AFF1: variants seen among roughly 807,000 people sequenced by gnomAD.
The protein encoded by AFF1 is ALF transcription elongation factor 1.
A neutral mutation model predicts 121.7 loss-of-function variants in AFF1; 48 were observed. The ratio of observed to expected loss-of-function variants is 0.39; its 90% CI spans 0.31 to 0.50. The LOEUF (loss-of-function observed/expected upper bound fraction) is 0.50, where lower values mean the gene tolerates loss of function less well. Ranked by LOEUF, AFF1 falls within the 20% of genes least tolerant of loss-of-function variation. AFF1 has a pLI of 0.76. For missense variants in AFF1, 1,523 were observed against 1,511.7 expected, an observed-to-expected ratio of 1.01 and a Z score of -0.12; for synonymous variants, 613 against 563.0, an observed-to-expected ratio of 1.09 and a Z score of -1.26.
At chr4:87,086,950 T>G (rs1224661404) in intron 5 of AFF1, among the ~76,000 whole-genome samples, 3 of 152,174 alleles carry the variant, frequency 2.0e-5, no homozygotes, top group Non-Finnish European at 4.4e-5. Flanking sequence ...TGGTGGCCCA[T>G]AACTCCAGCA....
intron 2 of AFF1, among the ~76,000 whole-genome samples, chr4:86,993,434 C>G (rs1273299333): frequency 6.6e-6 from 1 of 150,692 alleles, no homozygotes; most frequent in Non-Finnish European, 1.5e-5. Flanking sequence ...TAAATCCTTC[C>G]CCTTTCCTGA....
chr4:87,043,597 A>C (rs564235123), intron 2 of AFF1, among the ~76,000 whole-genome samples: 2 of 152,332 alleles, frequency 1.3e-5, no homozygotes, highest in African/African-American at 4.8e-5. Flanking sequence ...GCTACTGCCA[A>C]CTGGAAGTAA....
chr4:87,066,909 T>G (rs1721414095), intron 4 of AFF1, among the ~76,000 whole-genome samples: 1 of 152,146 alleles, frequency 6.6e-6, no homozygotes, highest in African/African-American at 2.4e-5. Flanking sequence ...ATTCAGAATT[T>G]ATTAGAAACA....
rs141972860 is a variant in AFF1, at chr4:87,061,026, A to T, written c.1059+13432A>T. Among the ~76,000 whole-genome samples the T allele has an allele frequency of 2.0e-4, 30 of 152,262 alleles. 1 individual carries two copies. The highest frequency in any genetic ancestry group is 7.0e-4 in the African/African-American group (29 of 41,552). On this transcript the variant is annotated intron_variant, in intron 4 of 20. Coordinates refer to ENST00000395146, the MANE Select transcript of AFF1 (RefSeq NM_001166693.3). Reference sequence around the variant, plus strand: ...CTTATATTCGCTCAGGATTCTAGTGAACTAGTTGCTAAGACAAGGGAAAAC... The same window carrying T: ...CTTATATTCGCTCAGGATTCTAGTGTACTAGTTGCTAAGACAAGGGAAAAC...
In AFF1 at chr4:87,068,265, C is replaced by CCG. The variant is rs1167471997; in HGVS notation, c.1060-15854_1060-15853insGC. On this transcript the variant is annotated intron_variant, in intron 4 of 20. Coordinates refer to ENST00000395146, the MANE Select transcript of AFF1 (RefSeq NM_001166693.3). The stretch of plus-strand genomic sequence containing the variant: ...ATGTAAGCATGAAAATTGCCCCCCC[C>CCG]CCACTCCATGAATAAATTGCCTTTA... Among the ~76,000 whole-genome samples, 43 of 147,560 alleles carry CCG rather than the reference C, an allele frequency of 2.9e-4. 2 individuals carry two copies. The highest frequency in any genetic ancestry group is 7.0e-3 in the Middle Eastern group (2 of 286).
At chr4:87,134,741 G>A in intron 20 of AFF1, 47 bp downstream of exon 20, 1 of 1,475,540 alleles carries the variant, frequency 6.8e-7, no homozygotes, top group Non-Finnish European at 9.4e-7. Context: ...GTTTGGATTG[G>A]GAGGAATAAA....
At chr4:87,038,540 A>G (rs1729787684) in intron 2 of AFF1, among the ~76,000 whole-genome samples, 1 of 152,234 alleles carries the variant, frequency 6.6e-6, no homozygotes, top group Non-Finnish European at 1.5e-5. Flanking sequence ...TAGAAAGTTG[A>G]GATGTGGCTT....
rs1729402337 is a variant in AFF1 at position 87,137,588 on chromosome 4, G to A, written c.*1887G>A. 1 of 231,110 alleles carries A rather than the reference G, an allele frequency of 4.3e-6. No individual in the cohort carries two copies. Among genetic ancestry groups the A allele is most frequent in the East Asian group, 6.1e-5 (1 of 16,294 alleles). 14.3% of individuals were successfully genotyped at this position (231,110 alleles called of 1,614,324 possible). ...AAGACCTTGATGTGTGATTCCTGAT[G>A]ACCGGTTTCATTTATTCATGTTATA... On this transcript the variant is annotated 3_prime_UTR_variant, in exon 21 of 21. Coordinates refer to ENST00000395146, the MANE Select transcript of AFF1 (RefSeq NM_001166693.3).
intron 11 of AFF1, among the ~76,000 whole-genome samples, chr4:87,114,097 A>G (rs1726828024): frequency 2.6e-5 from 4 of 152,226 alleles, no homozygotes; most frequent in Admixed American, 6.5e-5. Flanking sequence ...CCATTAGAAT[A>G]TATTATAAAG....
intron 2 of AFF1, among the ~76,000 whole-genome samples, chr4:87,005,431 C>A (rs994478070): frequency 2.6e-5 from 4 of 152,208 alleles, no homozygotes; most frequent in African/African-American, 4.8e-5. Flanking sequence ...AAAAAGTCTT[C>A]CAAAATGCTT....
At chr4:86,947,044 G>A (rs995134340) in intron 1 of AFF1, among the ~76,000 whole-genome samples, 1 of 152,194 alleles carries the variant, frequency 6.6e-6, no homozygotes, top group African/African-American at 2.4e-5. Flanking sequence ...GAGAGAAAGT[G>A]TGAGCAGCAA....
At chr4:86,968,094 G>C (rs2149475965) in intron 2 of AFF1, among the ~76,000 whole-genome samples, 1 of 152,264 alleles carries the variant, frequency 6.6e-6, no homozygotes, top group East Asian at 1.9e-4. Flanking sequence ...AAGAGCAGGT[G>C]GGGAGAAGAG....
At chr4:87,064,883 A>G (rs573315429) in intron 4 of AFF1, among the ~76,000 whole-genome samples, 1 of 150,418 alleles carries the variant, frequency 6.6e-6, no homozygotes, top group South Asian at 2.1e-4. Context: ...CAAAAGAAAA[A>G]AAAAAAAAAG....
chr4:87,009,514 C>T (rs955687445), intron 2 of AFF1, among the ~76,000 whole-genome samples: 5 of 152,196 alleles, frequency 3.3e-5, no homozygotes, highest in African/African-American at 1.2e-4. Flanking sequence ...ATCCTCTACC[C>T]CACCTTCCGA....
chr4:87,066,341 T>C (rs553707018), intron 4 of AFF1, among the ~76,000 whole-genome samples: 2 of 152,278 alleles, frequency 1.3e-5, no homozygotes, highest in African/African-American at 4.8e-5. Flanking sequence ...TAGGGGGTCA[T>C]GCCAGGCTGA....
At chr4:87,033,142 AAAAAC>A (rs1456725548) in intron 2 of AFF1, among the ~76,000 whole-genome samples, 2 of 152,226 alleles carry the variant, frequency 1.3e-5, no homozygotes, top group Non-Finnish European at 2.9e-5. Context: ...CCCTGTCTCA[AAAAAC>A]AAAACAAGAA....
chr4:86,988,468 G>A (rs1190768604), intron 2 of AFF1, among the ~76,000 whole-genome samples: 2 of 151,944 alleles, frequency 1.3e-5, no homozygotes. Context: ...ACTGTACCTA[G>A]GAATCCAACT....
rs1578171844 is a variant in AFF1 at position 87,062,516 on chromosome 4, T to G, written c.1059+14922T>G. On this transcript the variant is annotated intron_variant, in intron 4 of 20. Coordinates refer to ENST00000395146, the MANE Select transcript of AFF1 (RefSeq NM_001166693.3). Reference sequence around the variant, plus strand: ...ACAGCAGGAGTTATCGATGCTTTTTTCAGCTGTAAAATATATGTTTTTTTT... The same window carrying G: ...ACAGCAGGAGTTATCGATGCTTTTTGCAGCTGTAAAATATATGTTTTTTTT... 3.9e-5 allele frequency among the ~76,000 whole-genome samples: 6 copies of G among 151,966 alleles called. No homozygotes were observed. In the South Asian group the frequency reaches 1.2e-3, roughly 32 times the overall value.
chr4:87,031,113 G>C (rs1230176288), intron 2 of AFF1, among the ~76,000 whole-genome samples: 1 of 152,182 alleles, frequency 6.6e-6, no homozygotes, highest in East Asian at 1.9e-4. Flanking sequence ...AGGCACTCCA[G>C]ACCAGTGGAG....
Sources: allele counts gnomAD v4.1 joint callset (sites outside exome capture counted in the v4.1 genomes callset), GRCh38; gene constraint gnomAD v4.1.1; transcripts MANE v1.5; gene names NCBI Gene and HGNC (gene_info 2026-07-23, HGNC 2026-07-21).